The following FHIT variants were observed in gnomAD, a reference collection of about 807,000 sequenced individuals.
The protein encoded by FHIT is fragile histidine triad diadenosine triphosphatase.
A neutral mutation model predicts 17.9 loss-of-function variants in FHIT; 19 were observed. The observed-to-expected ratio is 1.06, with a 90% CI of 0.74 to 1.56. The LOEUF (loss-of-function observed/expected upper bound fraction) is 1.56. FHIT is among the 40% of genes most tolerant of loss of function. The pLI, the probability that FHIT is intolerant of heterozygous loss-of-function variation, is 0.00. For synonymous variants in FHIT, 81 were observed against 69.7 expected (o/e 1.16, Z -0.81); for missense variants, 248 against 189.2 (o/e 1.31, Z -1.82).
intron 5 of FHIT, among the ~76,000 whole-genome samples, chr3:60,516,066 G>A (rs1420747687): frequency 2.0e-5 from 3 of 152,112 alleles, no homozygotes; most frequent in Admixed American, 2.0e-4. Flanking sequence ...AAAGGAGTGG[G>A]GAAACATACT....
At chr3:59,801,054 G>C (rs1415364821) in intron 8 of FHIT, among the ~76,000 whole-genome samples, 1 of 152,180 alleles carries the variant, frequency 6.6e-6, no homozygotes, top group Non-Finnish European at 1.5e-5. Context: ...TTGAACATTA[G>C]ACTTTTGTGA....
chr3:60,091,517 T>C (rs1703730604), intron 5 of FHIT, among the ~76,000 whole-genome samples: 2 of 152,244 alleles, frequency 1.3e-5, no homozygotes, highest in South Asian at 2.1e-4. Context: ...GCCACTCTTA[T>C]AAAGAAGAGA....
chr3:60,567,039 G>A (rs1488067834), intron 4 of FHIT, among the ~76,000 whole-genome samples: 1 of 149,276 alleles, frequency 6.7e-6, no homozygotes, highest in Non-Finnish European at 1.5e-5. Flanking sequence ...ACTGCCCAAG[G>A]TAATTTATAG....
chr3:60,681,900 T>C (rs1042295111), intron 4 of FHIT, among the ~76,000 whole-genome samples: 15 of 152,038 alleles, frequency 9.9e-5, no homozygotes, highest in South Asian at 4.2e-4. Context: ...GAAGTGCTTA[T>C]ATAGATGCTG....
At chr3:60,020,097 C>T (rs1381282345) in intron 5 of FHIT, among the ~76,000 whole-genome samples, 1 of 152,174 alleles carries the variant, frequency 6.6e-6, no homozygotes, top group African/African-American at 2.4e-5. Context: ...ACAGAACCAA[C>T]TGCAAAGGAC....
At chr3:60,632,282 C>T (rs553398850) in intron 4 of FHIT, among the ~76,000 whole-genome samples, 3 of 152,232 alleles carry the variant, frequency 2.0e-5, no homozygotes, top group African/African-American at 7.2e-5. Flanking sequence ...GTTCTACTCA[C>T]TCAGTAACCA....
chr3:60,048,331 C>T (rs1310050116), intron 5 of FHIT, among the ~76,000 whole-genome samples: 2 of 152,128 alleles, frequency 1.3e-5, no homozygotes, highest in African/African-American at 2.4e-5. Flanking sequence ...CATGTGCCAC[C>T]ACGCTTCCCT....
At chr3:60,216,175 G>A (rs188987470) in intron 5 of FHIT, among the ~76,000 whole-genome samples, 7 of 152,286 alleles carry the variant, frequency 4.6e-5, no homozygotes, top group Admixed American at 3.9e-4. Flanking sequence ...TTGCCCACAA[G>A]ACTGCATACT....
At chr3:59,889,494 C>G (rs1051134928) in intron 8 of FHIT, among the ~76,000 whole-genome samples, 1 of 152,138 alleles carries the variant, frequency 6.6e-6, no homozygotes, top group African/African-American at 2.4e-5. Flanking sequence ...AAGGTGAGAC[C>G]CTTAGCATGG....
At chr3:59,866,133 G>A (rs1164805815) in intron 8 of FHIT, among the ~76,000 whole-genome samples, 1 of 152,188 alleles carries the variant, frequency 6.6e-6, no homozygotes, top group Non-Finnish European at 1.5e-5. Flanking sequence ...TGATGAGATA[G>A]AGAGTACCTG....
rs375766196 is a variant in FHIT, at chr3:61,122,757, C to T, written c.-164+77860G>A. Among the ~76,000 whole-genome samples the T allele has an allele frequency of 3.9e-5, 6 of 152,234 alleles. No homozygotes were observed. In the East Asian group the frequency reaches 5.8e-4, roughly 15 times the overall value. On this transcript the variant is annotated intron_variant, in intron 2 of 9. Coordinates refer to ENST00000492590, the MANE Select transcript of FHIT (RefSeq NM_002012.4). ...ACAACAAACATATGAAAAAAAACCTCATCATCACTCGTCATTAGAAAAATG... is the reference window on the plus strand; with the variant it reads ...ACAACAAACATATGAAAAAAAACCTTATCATCACTCGTCATTAGAAAAATG...
chr3:60,661,882 C>T (rs1440613940), intron 4 of FHIT, among the ~76,000 whole-genome samples: 6 of 151,938 alleles, frequency 3.9e-5, no homozygotes, highest in East Asian at 1.9e-4. Context: ...TGTCTTTAGC[C>T]CAGTTTTTGA....
At chr3:60,300,652 C>G (rs913085458) in intron 5 of FHIT, among the ~76,000 whole-genome samples, 3 of 152,044 alleles carry the variant, frequency 2.0e-5, no homozygotes, top group African/African-American at 7.2e-5. Flanking sequence ...CATGTTATTG[C>G]ACTCCGATGA....
Position 60,691,376 on chromosome 3 carries a change from CT to C in FHIT, c.-18+130542del, listed in dbSNP as rs35786045. On this transcript the variant is annotated intron_variant, in intron 4 of 9. Transcript: ENST00000492590. ...CCCCTCTTGATTTTTTCTTTTTCTTCTTTTTTTTTTTCTTGAGACAGGGTCT... is the reference window on the plus strand; with the variant it reads ...CCCCTCTTGATTTTTTCTTTTTCTTCTTTTTTTTTTCTTGAGACAGGGTCT... 1.5e-3 allele frequency among the ~76,000 whole-genome samples: 221 copies of C among 145,548 alleles called. 1 individual carries two copies. Among genetic ancestry groups the C allele is most frequent in the Non-Finnish European group, 1.3e-3 (84 of 65,842 alleles).
At chr3:59,785,855 C>T (rs1208009125) in intron 8 of FHIT, among the ~76,000 whole-genome samples, 1 of 152,158 alleles carries the variant, frequency 6.6e-6, no homozygotes, top group Non-Finnish European at 1.5e-5. Flanking sequence ...TCCTTGTAAT[C>T]TCTCATGCAA....
At chr3:60,110,595 T>A (rs889792982) in intron 5 of FHIT, among the ~76,000 whole-genome samples, 39 of 152,310 alleles carry the variant, frequency 2.6e-4, no homozygotes, top group African/African-American at 9.1e-4. Flanking sequence ...CTTGGATAAG[T>A]TACATCACCT....
intron 4 of FHIT, among the ~76,000 whole-genome samples, chr3:60,656,989 A>AAC (rs1553689756): frequency 6.6e-6 from 1 of 151,782 alleles, no homozygotes; most frequent in Admixed American, 6.6e-5. Flanking sequence ...CACAAAAAAA[A>AAC]ACATCCAGGA....
At chr3:59,916,172 G>A (rs1159991224) in intron 8 of FHIT, among the ~76,000 whole-genome samples, 1 of 152,142 alleles carries the variant, frequency 6.6e-6, no homozygotes, top group African/African-American at 2.4e-5. Context: ...AATAAAGCAG[G>A]CAGAAAGTGG....
intron 4 of FHIT, among the ~76,000 whole-genome samples, chr3:60,751,375 C>T (rs1200670862): frequency 1.3e-5 from 2 of 152,102 alleles, no homozygotes; most frequent in Admixed American, 6.5e-5. Flanking sequence ...ATTTTTTTTA[C>T]AAGATCCTTT....
Sources: allele counts gnomAD v4.1 joint callset (sites outside exome capture counted in the v4.1 genomes callset), GRCh38; gene constraint gnomAD v4.1.1; transcripts MANE v1.5; gene names NCBI Gene and HGNC (gene_info 2026-07-23, HGNC 2026-07-21).